NFE2L1: variants seen among roughly 807,000 people sequenced by gnomAD.
NFE2L1 encodes the protein endoplasmic reticulum membrane sensor NFE2L1.
NFE2L1 carries 18 observed loss-of-function variants against 61.6 expected under a neutral mutation model. The ratio of observed to expected loss-of-function variants is 0.29; its 90% CI spans 0.20 to 0.43. The LOEUF (loss-of-function observed/expected upper bound fraction) is 0.43, where lower values mean the gene tolerates loss of function less well. Among genes scored for constraint, NFE2L1 ranks in the 20% least tolerant of loss-of-function variants. The probability of loss-of-function intolerance (pLI) is 1.00; values close to 1 mark genes in which losing one functional copy is unlikely to be tolerated. For missense variants in NFE2L1, 827 were observed against 973.5 expected, an observed-to-expected ratio of 0.85 and a Z score of 2.00; for synonymous variants, 419 against 402.7, an observed-to-expected ratio of 1.04 and a Z score of -0.48.
Position 48,058,477 on chromosome 17 carries a change from G to T in NFE2L1, c.1155G>T (p.Leu385=). 1 of 1,613,766 alleles carries T rather than the reference G, an allele frequency of 6.2e-7. No homozygotes were observed. Among genetic ancestry groups the T allele is most frequent in the Non-Finnish European group, 8.5e-7 (1 of 1,179,804 alleles). ...TCTTCAGCCCCGAGGTGGAAAGCCT[G>T]CCTGTGGCCAGTAGCTCCACGCTGC... The part of the protein sequence containing the change: ...FLLFSPEVES[L]PVASSSTLLP... Residue 385 remains leucine, a synonymous_variant, in exon 6 of 6, where the codon CTG becomes CTT. Transcript: ENST00000362042.
In NFE2L1 at chr17:48,051,571, A is replaced by C; in HGVS notation, c.453A>C (p.Glu151Asp). 1 of 1,614,190 alleles carries C rather than the reference A, an allele frequency of 6.2e-7. No individual in the cohort carries two copies. The highest frequency in any genetic ancestry group is 8.5e-7 in the Non-Finnish European group (1 of 1,180,020). ...GCGAAACGGAGCAGGGATTCGGTGA[A>C]GATTTGGAGGATTTGGGGGCTGTAG... Reference protein sequence around the residue: ...RESETEQGFGEDLEDLGAVAP... With the variant: ...RESETEQGFGDDLEDLGAVAP... The change falls in exon 2 of 6, where the codon GAA becomes GAC. Residue 151 changes from glutamate to aspartate, a missense_variant. Physicochemically the swap from Glu to Asp is conservative, Grantham distance 45. Coordinates refer to ENST00000362042, the MANE Select transcript of NFE2L1 (RefSeq NM_003204.3).
chr17:48,056,744 A>G (rs1224315110), intron 3 of NFE2L1, 146 bp downstream of exon 3: 1 of 1,038,622 alleles, frequency 9.6e-7, no homozygotes, highest in East Asian at 2.6e-5. Flanking sequence ...TGGGGTCTGT[A>G]AGTCACAGTG....
rs2144334445 is a variant in NFE2L1 at position 48,048,379 on chromosome 17, A to T, written c.-596A>T. ...GAGGTAAGCGGAGGCTCCGAGCTCT[A>T]GGCCGGCCGGCGGTGGCGGCGGCGA... On this transcript the variant is annotated 5_prime_UTR_variant, in exon 1 of 6. Coordinates refer to ENST00000362042, the MANE Select transcript of NFE2L1 (RefSeq NM_003204.3). The T allele has an allele frequency of 6.5e-6, 1 of 153,008 alleles. No individual in the cohort carries two copies. Among genetic ancestry groups the T allele is most frequent in the South Asian group, 2.1e-4 (1 of 4,876 alleles). 9.5% of individuals were successfully genotyped at this position (153,008 alleles called of 1,614,324 possible).
chr17:48,058,801 T>C lies in NFE2L1; in HGVS notation c.1479T>C (p.Ser493=). 2 of 1,614,192 alleles carry C rather than the reference T, an allele frequency of 1.2e-6. No individual in the cohort carries two copies. The highest frequency in any genetic ancestry group is 1.7e-6 in the Non-Finnish European group (2 of 1,180,034). The change falls in exon 6 of 6, where the codon TCT becomes TCC. Residue 493 remains serine (S), a synonymous_variant. Transcript: ENST00000362042. The part of the protein sequence containing the change: ...SSHSPSSLSS[S]EGSSSSSSSS... Reference sequence around the variant, plus strand: ...ATAGCCCTTCTTCCCTAAGCAGCTCTGAAGGCAGTTCTTCCTCTTCTTCCT... The same window carrying C: ...ATAGCCCTTCTTCCCTAAGCAGCTCCGAAGGCAGTTCTTCCTCTTCTTCCT...
At chr17:48,053,963 T>C (rs192028151) in intron 2 of NFE2L1, among the ~76,000 whole-genome samples, 1 of 152,092 alleles carries the variant, frequency 6.6e-6, no homozygotes, top group Admixed American at 6.5e-5. Context: ...ACTGTGACAT[T>C]GCTGCACGTG....
At chr17:48,056,162 T>G in intron 2 of NFE2L1, 1 of 614,482 alleles carries the variant, frequency 1.6e-6, no homozygotes, top group Non-Finnish European at 2.9e-6. Context: ...ACACTAATGG[T>G]TTTGCTAGTG....
Position 48,054,627 on chromosome 17 carries a change from G to A in NFE2L1, c.511-1759G>A, listed in dbSNP as rs565070177. 7,234 of 1,225,528 alleles carry A rather than the reference G, an allele frequency of 5.9e-3. 31 individuals are homozygous for A. The highest frequency in any genetic ancestry group is 6.9e-3 in the Non-Finnish European group (6,805 of 982,770). 75.9% of individuals were successfully genotyped at this position (1,225,528 alleles called of 1,614,324 possible). On this transcript the variant is annotated intron_variant, in intron 2 of 5. Coordinates refer to ENST00000362042, the MANE Select transcript of NFE2L1 (RefSeq NM_003204.3). The stretch of plus-strand genomic sequence containing the variant: ...GGGAGGGGGTGGGGATTGGCTCCCT[G>A]CTGCAGCCTAGGTAACAAGTTTGGG...
At chr17:48,050,286 C>T (rs1460641990) in intron 1 of NFE2L1, among the ~76,000 whole-genome samples, 1 of 152,184 alleles carries the variant, frequency 6.6e-6, no homozygotes, top group Non-Finnish European at 1.5e-5. Context: ...TGAGACCAGC[C>T]TGGCCAACAT....
Position 48,059,802 on chromosome 17 carries a change from C to A in NFE2L1, c.*161C>A. On this transcript the variant is annotated 3_prime_UTR_variant, in exon 6 of 6. Coordinates refer to ENST00000362042, the MANE Select transcript of NFE2L1 (RefSeq NM_003204.3). This position sits in a 1 kb window ranked among gnomAD's most constrained non-coding sequence, Gnocchi z 6.1. ...GGGTCAGTGTACAGGAAGAGGCAGG[C>A]ACTGGCTGGCTCAGCTCCACTCGGG... 1 of 1,109,666 alleles carries A rather than the reference C, an allele frequency of 9.0e-7. No individual in the cohort carries two copies. Among genetic ancestry groups the A allele is most frequent in the Non-Finnish European group, 1.2e-6 (1 of 809,780 alleles). 68.7% of individuals were successfully genotyped at this position (1,109,666 alleles called of 1,614,324 possible). A position where few individuals can be genotyped will look rare whatever the true frequency, so the allele number is the denominator to read the frequency against.
At chr17:48,057,314 C>T (rs374770450) in intron 4 of NFE2L1, 30 bp from the exon 5 acceptor site, 7 of 1,605,280 alleles carry the variant, frequency 4.4e-6, no homozygotes, top group Non-Finnish European at 6.0e-6. Flanking sequence ...TTTCCTTCCC[C>T]CTTGTTAAAG....
At chr17:48,054,925 T>G in intron 2 of NFE2L1, 1 of 1,410,304 alleles carries the variant, frequency 7.1e-7, no homozygotes, top group Non-Finnish European at 9.2e-7. Context: ...GGGCCACCCT[T>G]CCAGCCTGGT....
chr17:48,059,331 A>G lies in NFE2L1; in HGVS notation c.2009A>G (p.Asn670Ser). 3 of 1,614,098 alleles carry G rather than the reference A, an allele frequency of 1.9e-6. No individual in the cohort carries two copies. Among genetic ancestry groups the G allele is most frequent in the Non-Finnish European group, 2.5e-6 (3 of 1,180,018 alleles). The change falls in exon 6 of 6, where the codon AAC (asparagine) becomes AGC (serine). Residue 670 changes from asparagine (N) to serine (S), a missense_variant. Coordinates refer to ENST00000362042, the MANE Select transcript of NFE2L1 (RefSeq NM_003204.3). This position sits in a 1 kb window ranked among gnomAD's most constrained non-coding sequence, Gnocchi z 6.1. ...RRGKNKMAAQNCRKRKLDTIL... is the reference protein window; with the variant it reads ...RRGKNKMAAQSCRKRKLDTIL... ...GGCAAGAACAAGATGGCGGCGCAGAACTGCCGCAAGCGCAAGCTGGACACC... is the reference window on the plus strand; with the variant it reads ...GGCAAGAACAAGATGGCGGCGCAGAGCTGCCGCAAGCGCAAGCTGGACACC...
chr17:48,058,928 G>C lies in NFE2L1; in HGVS notation c.1606G>C (p.Glu536Gln). Residue 536 changes from glutamate (E) to glutamine (Q), a missense_variant, in exon 6 of 6, where the codon GAA (glutamate) becomes CAA (glutamine). Coordinates refer to ENST00000362042, the MANE Select transcript of NFE2L1 (RefSeq NM_003204.3). ...CTCTGACTCTGAGACCCTGGATCTG[G>C]AAGAGGCCGAGGGTGCTGTGGGCTA... The part of the protein sequence containing the change: ...YSSDSETLDL[E>Q]EAEGAVGYQP... 6.2e-7 allele frequency: 1 copy of C among 1,613,966 alleles called. No individual in the cohort carries two copies. Among genetic ancestry groups the C allele is most frequent in the Non-Finnish European group, 8.5e-7 (1 of 1,180,026 alleles).
In NFE2L1 at chr17:48,051,552, C is replaced by T. The variant is rs745888615; in HGVS notation, c.434C>T (p.Thr145Met). The part of the protein sequence containing the change: ...GPDNGVRESE[T>M]EQGFGEDLED... ...GACAACGGGGTGCGAGAAAGCGAAA[C>T]GGAGCAGGGATTCGGTGAAGATTTG... is the stretch of plus-strand genomic sequence containing the variant. Residue 145 changes from threonine to methionine, a missense_variant, in exon 2 of 6, where the codon ACG (threonine) becomes ATG (methionine). Coordinates refer to ENST00000362042, the MANE Select transcript of NFE2L1 (RefSeq NM_003204.3). The T allele has an allele frequency of 6.2e-6, 10 of 1,614,002 alleles. No individual in the cohort carries two copies. Among genetic ancestry groups the T allele is most frequent in the South Asian group, 1.1e-5 (1 of 91,094 alleles).
In NFE2L1 at chr17:48,061,288, G is replaced by A. The variant is rs187948423; in HGVS notation, c.*1647G>A. On this transcript the variant is annotated 3_prime_UTR_variant, in exon 6 of 6. Coordinates refer to ENST00000362042, the MANE Select transcript of NFE2L1 (RefSeq NM_003204.3). ...AGTGGGAGTGAAATGGGGGTGGGGG[G>A]AAGCACTGATTCCCAGTTAGGGGGT... 148 of 152,354 alleles carry A rather than the reference G, an allele frequency of 9.7e-4. 1 individual carries two copies. The highest frequency in any genetic ancestry group is 2.8e-3 in the African/African-American group (118 of 41,584). 9.4% of individuals were successfully genotyped at this position (152,354 alleles called of 1,614,324 possible).
Position 48,058,493 on chromosome 17 carries a change from T to G in NFE2L1, c.1171T>G (p.Ser391Ala). The G allele has an allele frequency of 6.2e-7, 1 of 1,613,122 alleles. No homozygotes were observed. Among genetic ancestry groups the G allele is most frequent in the Non-Finnish European group, 8.5e-7 (1 of 1,179,444 alleles). ...EVESLPVASS[S>A]TLLPLAPSNS... ...GGAAAGCCTGCCTGTGGCCAGTAGC[T>G]CCACGCTGCTCCCGTTGGCCCCCAG... Residue 391 changes from serine to alanine, a missense_variant, in exon 6 of 6, where the codon TCC (serine) becomes GCC (alanine). By Grantham distance (99) the Ser-to-Ala change is moderately conservative. This residue lies in a region of NFE2L1 where 667 missense variants were observed against 748.4 expected (regional missense o/e 0.89). Transcript: ENST00000362042.
rs556097400 is a variant in NFE2L1, at chr17:48,050,641, A to C, written c.-478A>C. 4.7e-6 allele frequency: 2 copies of C among 421,956 alleles called. No individual in the cohort carries two copies. The highest frequency in any genetic ancestry group is 1.8e-4 in the South Asian group (2 of 11,250). The allele number at this position is 421,956 out of a possible 1,614,324, so 26.1% of individuals were successfully genotyped here. A position where few individuals can be genotyped will look rare whatever the true frequency, so the allele number is the denominator to read the frequency against. On this transcript the variant is annotated 5_prime_UTR_variant, in exon 2 of 6. Coordinates refer to ENST00000362042, the MANE Select transcript of NFE2L1 (RefSeq NM_003204.3). ...GAAACCCCCCTGGTAAGTGTGGAGGAGGCGGGACACTCTGACCCAAGACGA... is the reference window on the plus strand; with the variant it reads ...GAAACCCCCCTGGTAAGTGTGGAGGCGGCGGGACACTCTGACCCAAGACGA...
chr17:48,057,448 A>G lies in NFE2L1; in HGVS notation c.918A>G (p.Ser306=), dbSNP rs752231270. Residue 306 remains serine, a synonymous_variant, in exon 5 of 6, where the codon TCA becomes TCG. Transcript: ENST00000362042. ...CTCCTCTTCTGACCGGGACAGAGTC[A>G]CCATTTGATTTGGAACAGCAGTGGC... ...LLSPLLTGTE[S]PFDLEQQWQD... is the part of the protein sequence containing the mutation. 231 of 1,614,066 alleles carry G rather than the reference A, an allele frequency of 1.4e-4. No individual in the cohort carries two copies. Among genetic ancestry groups the G allele is most frequent in the Non-Finnish European group, 1.9e-4 (220 of 1,180,030 alleles).
rs751563779 is a variant in NFE2L1, at chr17:48,058,307, A to C, written c.985A>C (p.Asn329His). The change falls in exon 6 of 6, where the codon AAC (asparagine) becomes CAC (histidine). Residue 329 changes from asparagine to histidine, a missense_variant. By Grantham distance (68) the Asn-to-His change is moderately conservative (BLOSUM62 1). Transcript: ENST00000362042. Reference protein sequence around the residue: ...SIMEMQAMEVNTSASEILYSA... With the variant: ...SIMEMQAMEVHTSASEILYSA... ...TCTCCCCTCCCAGGCCATGGAAGTG[A>C]ACACATCAGCAAGTGAAATCCTGTA... is the stretch of plus-strand genomic sequence containing the variant. 3 of 1,589,356 alleles carry C rather than the reference A, an allele frequency of 1.9e-6. No individual in the cohort carries two copies. Among genetic ancestry groups the C allele is most frequent in the Non-Finnish European group, 2.6e-6 (3 of 1,164,908 alleles).
Sources: allele counts gnomAD v4.1 joint callset (sites outside exome capture counted in the v4.1 genomes callset), GRCh38; gene constraint gnomAD v4.1.1; regional missense constraint gnomAD v4.1.1; non-coding constraint Gnocchi (gnomAD v3.1); transcripts MANE v1.5; gene names NCBI Gene and HGNC (gene_info 2026-07-23, HGNC 2026-07-21).